Variants in MBNL2 observed in about 807,000 individuals in gnomAD.
MBNL2 encodes the protein muscleblind like splicing regulator 2.
MBNL2 carries 17 observed loss-of-function variants against 41.9 expected under a neutral mutation model. The ratio of observed to expected loss-of-function variants is 0.41; its 90% CI spans 0.28 to 0.61. The LOEUF (loss-of-function observed/expected upper bound fraction) is 0.61, where lower values mean the gene tolerates loss of function less well. Ranked by LOEUF, MBNL2 falls within the 20% of genes least tolerant of loss-of-function variation. The pLI is 0.35. For missense variants in MBNL2, 336 were observed against 505.6 expected (o/e 0.66, Z 3.22); for synonymous variants, 195 against 182.9 (o/e 1.07, Z -0.53).
chr13:97,235,913 A>G (rs1157568114), intron 1 of MBNL2, among the ~76,000 whole-genome samples: 1 of 152,116 alleles, frequency 6.6e-6, no homozygotes, highest in Non-Finnish European at 1.5e-5. Context: ...TGTTCAATAC[A>G]CTGTCAGCCT....
Position 97,330,760 on chromosome 13 carries a change from A to T in MBNL2, c.175-3516A>T, listed in dbSNP as rs143673884. Among the ~76,000 whole-genome samples the T allele has an allele frequency of 1.4e-4, 22 of 152,264 alleles. 1 individual carries two copies. The East Asian group carries it at 4.2e-3, about 29-fold the overall frequency. On this transcript the variant is annotated intron_variant, in intron 2 of 8. Coordinates refer to ENST00000679496, the MANE Select transcript of MBNL2 (RefSeq NM_001382683.1). ...ATGCCTTAACAAAAACTTCCTTACA[A>T]ATTGTTCACTGTGTCAAATAGCTTG...
chr13:97,212,032 G>T, the MBNL2 span, among the ~76,000 whole-genome samples: 1 of 152,170 alleles, frequency 6.6e-6, no homozygotes, highest in East Asian at 1.9e-4. Context: ...TATGGTGGCT[G>T]ATAGAGGGAA....
the MBNL2 span, among the ~76,000 whole-genome samples, chr13:97,195,143 C>A: frequency 6.6e-6 from 1 of 152,172 alleles, no homozygotes; most frequent in Admixed American, 6.5e-5. Flanking sequence ...TCTGGTAACA[C>A]AAATGCAGCC....
intron 3 of MBNL2, among the ~76,000 whole-genome samples, chr13:97,338,009 T>C (rs571757755): frequency 6.6e-6 from 1 of 152,170 alleles, no homozygotes; most frequent in Non-Finnish European, 1.5e-5. Flanking sequence ...AATCTATCAA[T>C]ATCCACTCTT....
chr13:97,227,119 G>C (rs935640890), intron 1 of MBNL2, among the ~76,000 whole-genome samples: 1 of 151,904 alleles, frequency 6.6e-6, no homozygotes, highest in Non-Finnish European at 1.5e-5. Flanking sequence ...TTTATTTGTT[G>C]GTTTTACCCT....
chr13:97,306,598 A>G (rs1566406333), intron 2 of MBNL2, among the ~76,000 whole-genome samples: 1 of 152,240 alleles, frequency 6.6e-6, no homozygotes, highest in Non-Finnish European at 1.5e-5. Context: ...CACCAGTGTG[A>G]CTGCCTGGGA....
At chr13:97,300,787 T>G (rs1222978373) in intron 2 of MBNL2, among the ~76,000 whole-genome samples, 1 of 152,242 alleles carries the variant, frequency 6.6e-6, no homozygotes, top group Non-Finnish European at 1.5e-5. Flanking sequence ...TGTAAAGAAG[T>G]CAACCAAATT....
At chr13:97,183,799 G>T in the MBNL2 span, among the ~76,000 whole-genome samples, 2 of 152,186 alleles carry the variant, frequency 1.3e-5, no homozygotes, top group African/African-American at 4.8e-5. Context: ...AGGAATTATT[G>T]TTCCACTTCC....
chr13:97,389,990 T>A (rs1328778378), intron 8 of MBNL2, among the ~76,000 whole-genome samples: 2 of 152,132 alleles, frequency 1.3e-5, no homozygotes, highest in African/African-American at 2.4e-5. Context: ...TGTTTACATA[T>A]AAAATAATAT....
chr13:97,385,527 G>C (rs1344143617), intron 8 of MBNL2, among the ~76,000 whole-genome samples: 14 of 152,088 alleles, frequency 9.2e-5, no homozygotes. Flanking sequence ...ATTTTCACTG[G>C]AATGTTTTCC....
the MBNL2 span, among the ~76,000 whole-genome samples, chr13:97,157,225 G>GCA: frequency 7.0e-6 from 1 of 142,122 alleles, no homozygotes; most frequent in Non-Finnish European, 1.5e-5. Flanking sequence ...GAATGCTTGT[G>GCA]ATTTTTGCAC....
chr13:97,252,866 C>T (rs1159671924), intron 1 of MBNL2, among the ~76,000 whole-genome samples: 4 of 152,130 alleles, frequency 2.6e-5, no homozygotes, highest in African/African-American at 9.7e-5. Context: ...CCATATATTA[C>T]TGTTACATGT....
At chr13:97,149,746 A>C in the MBNL2 span, among the ~76,000 whole-genome samples, 1 of 152,152 alleles carries the variant, frequency 6.6e-6, no homozygotes, top group Non-Finnish European at 1.5e-5. Flanking sequence ...CCAATTGTGT[A>C]GACTTAGATC....
At chr13:97,380,571 A>G (rs2065356228) in intron 8 of MBNL2, among the ~76,000 whole-genome samples, 1 of 152,206 alleles carries the variant, frequency 6.6e-6, no homozygotes. Flanking sequence ...TACAGCAATG[A>G]AAACAGTAGT....
At chr13:97,318,561 T>C (rs1594203543) in intron 2 of MBNL2, among the ~76,000 whole-genome samples, 1 of 152,366 alleles carries the variant, frequency 6.6e-6, no homozygotes, top group East Asian at 1.9e-4. Flanking sequence ...TGTTACCAAG[T>C]ATTATTACCA....
chr13:97,377,180 G>A (rs921638288), intron 8 of MBNL2, among the ~76,000 whole-genome samples: 2 of 152,180 alleles, frequency 1.3e-5, no homozygotes, highest in African/African-American at 4.8e-5. Flanking sequence ...CCTCTCTAGC[G>A]ATGAGGAAAC....
At chr13:97,146,635 A>G in the MBNL2 span, among the ~76,000 whole-genome samples, 1 of 152,164 alleles carries the variant, frequency 6.6e-6, no homozygotes, top group African/African-American at 2.4e-5. Context: ...GACTTTAGAG[A>G]AGCCTTTCCC....
intron 2 of MBNL2, among the ~76,000 whole-genome samples, chr13:97,313,723 A>G (rs2058800673): frequency 1.3e-5 from 2 of 152,272 alleles, no homozygotes; most frequent in South Asian, 4.1e-4. Flanking sequence ...GCTGAGCTGT[A>G]GGCTTCAGGG....
intron 1 of MBNL2, among the ~76,000 whole-genome samples, chr13:97,232,202 T>C (rs767735291): frequency 8.1e-4 from 124 of 152,256 alleles, no homozygotes; most frequent in Admixed American, 3.3e-3. Flanking sequence ...CTCGTGCCCC[T>C]GTCTGTCCTC....
Sources: allele counts gnomAD v4.1 joint callset (sites outside exome capture counted in the v4.1 genomes callset), GRCh38; gene constraint gnomAD v4.1.1; transcripts MANE v1.5; gene names NCBI Gene and HGNC (gene_info 2026-07-23, HGNC 2026-07-21).